The following MLXIPL variants were observed in gnomAD, a reference collection of about 807,000 sequenced individuals.
MLXIPL encodes the protein carbohydrate-responsive element-binding protein.
A neutral mutation model predicts 81.5 loss-of-function variants in MLXIPL; 49 were observed. The ratio of observed to expected loss-of-function variants is 0.60; its 90% CI spans 0.48 to 0.76. The LOEUF (loss-of-function observed/expected upper bound fraction) is 0.76. Among genes scored for constraint, MLXIPL ranks in the 30% least tolerant of loss-of-function variants. MLXIPL has a pLI of 0.00. For synonymous variants in MLXIPL, 466 were observed against 485.5 expected (o/e 0.96, Z 0.53); for missense variants, 1,053 against 1,167.0 (o/e 0.90, Z 1.42).
the MLXIPL span, among the ~76,000 whole-genome samples, chr7:73,637,059 C>CA: frequency 2.1e-3 from 251 of 119,554 alleles, 3 homozygotes; most frequent in South Asian, 0.022. Flanking sequence ...GATTCCATCT[C>CA]AAAAAAAAAA....
chr7:73,623,260 A>T lies in MLXIPL; in HGVS notation c.293+940T>A, dbSNP rs1272048275. On this transcript the variant is annotated intron_variant, in intron 1 of 16. Transcript: ENST00000313375. The surrounding 1 kb of genome is among the most constrained non-coding windows in gnomAD (Gnocchi z 5.7). ...CTCAGAAGGGGAGGAGGCGCCGCGG[A>T]GGAAGAGGAATATTTGCACAGAGAA... Among the ~76,000 whole-genome samples the T allele has an allele frequency of 6.6e-6, 1 of 152,204 alleles. No homozygotes were observed. The highest frequency in any genetic ancestry group is 1.5e-5 in the Non-Finnish European group (1 of 68,038).
intron 2 of MLXIPL, among the ~76,000 whole-genome samples, chr7:73,612,863 G>A (rs1397351693): frequency 6.6e-6 from 1 of 152,140 alleles, no homozygotes; most frequent in African/African-American, 2.4e-5. Context: ...CAGATACTGG[G>A]ACAGGACACA....
chr7:73,634,722 T>A, the MLXIPL span, among the ~76,000 whole-genome samples: 2 of 151,814 alleles, frequency 1.3e-5, no homozygotes, highest in South Asian at 4.2e-4. Context: ...TTTTTTAAAT[T>A]ATGAATTCAA....
chr7:73,647,802 C>A, the MLXIPL span, among the ~76,000 whole-genome samples: 2 of 151,444 alleles, frequency 1.3e-5, no homozygotes, highest in East Asian at 3.9e-4. Context: ...TGCAGAGGGG[C>A]GCGGCGCGGC....
the MLXIPL span, among the ~76,000 whole-genome samples, chr7:73,640,424 A>AAAAG: frequency 1.5e-5 from 2 of 137,846 alleles, no homozygotes; most frequent in Admixed American, 7.1e-5. Context: ...AAGAAAAAGA[A>AAAAG]AAAAAGAAAT....
Position 73,596,703 on chromosome 7 carries a change from TGTGGCCGGGCCTGGAG to T in MLXIPL, c.1742_1757del (p.Pro581HisfsTer41). The T allele has an allele frequency of 6.3e-7, 1 of 1,589,596 alleles. No homozygotes were observed. The highest frequency in any genetic ancestry group is 8.6e-7 in the Non-Finnish European group (1 of 1,168,378). On this transcript the variant is annotated frameshift_variant, in exon 11 of 17. Coordinates refer to ENST00000313375, the MANE Select transcript of MLXIPL (RefSeq NM_032951.3). LOFTEE classifies it high-confidence loss of function. The surrounding 1 kb of genome is among the most constrained non-coding windows in gnomAD (Gnocchi z 4.7). ...CAAGCAGGGGCCTGGAAGGGGCCAA[TGTGGCCGGGCCTGGAG>T]GTGGCCGGGGCGGTGTAGGGGCCGG...
rs1794380344 is a variant in MLXIPL at position 73,596,957 on chromosome 7, C to G, written c.1604-25G>C. On this transcript the variant is annotated intron_variant, in intron 9 of 16. Coordinates refer to ENST00000313375, the MANE Select transcript of MLXIPL (RefSeq NM_032951.3). The surrounding 1 kb of genome is among the most constrained non-coding windows in gnomAD (Gnocchi z 4.7). ...GCTGTGCACGGGCAGAACCGTGAGG[C>G]TACTGGGGCTGGCCCACCCCCGGCA... is the stretch of plus-strand genomic sequence containing the variant. 18 of 1,599,686 alleles carry G rather than the reference C, an allele frequency of 1.1e-5. No homozygotes were observed. The highest frequency in any genetic ancestry group is 1.4e-5 in the Non-Finnish European group (16 of 1,175,272).
Position 73,597,170 on chromosome 7 carries a change from G to T in MLXIPL, c.1603+12C>A, listed in dbSNP as rs782306170. The T allele has an allele frequency of 9.4e-6, 15 of 1,593,894 alleles. No homozygotes were observed. The highest frequency in any genetic ancestry group is 1.2e-5 in the Non-Finnish European group (14 of 1,171,950). On this transcript the variant is annotated intron_variant, in intron 9 of 16. Transcript: ENST00000313375. ...CTCCCCAGGCTTTCCTCTCCCCGTT[G>T]CTGGCCCTCACCTGCTGTGAGCAGC... is the stretch of plus-strand genomic sequence containing the variant.
At chr7:73,603,699 C>T (rs1290590809) in intron 7 of MLXIPL, among the ~76,000 whole-genome samples, 1 of 152,232 alleles carries the variant, frequency 6.6e-6, no homozygotes, top group Non-Finnish European at 1.5e-5. Flanking sequence ...ATCTACCTGG[C>T]CCGCACATAG....
At chr7:73,631,753 T>C in the MLXIPL span, among the ~76,000 whole-genome samples, 4 of 146,908 alleles carry the variant, frequency 2.7e-5, no homozygotes, top group African/African-American at 7.5e-5. Context: ...CTCTCTCCCC[T>C]TCTCCCTCTC....
upstream of MLXIPL, among the ~76,000 whole-genome samples, chr7:73,629,169 A>T (rs532781424): frequency 1.4e-4 from 21 of 151,786 alleles, no homozygotes; most frequent in South Asian, 4.2e-3. Context: ...CAGCCTCCTG[A>T]GGAGCTGGGA....
chr7:73,607,509 G>A, intron 3 of MLXIPL, 81 bp downstream of exon 3: 1 of 1,568,392 alleles, frequency 6.4e-7, no homozygotes, highest in Non-Finnish European at 8.7e-7. Flanking sequence ...TGTCTGCTCA[G>A]CGCAAGGCTA....
intron 2 of MLXIPL, among the ~76,000 whole-genome samples, chr7:73,614,809 CTTT>C (rs11307944): frequency 2.7e-4 from 29 of 106,148 alleles, no homozygotes; most frequent in African/African-American, 5.8e-4. Context: ...TTGTTTTGCC[CTTT>C]TTTTTTTTTT....
At chr7:73,642,356 A>G in the MLXIPL span, among the ~76,000 whole-genome samples, 74 of 151,590 alleles carry the variant, frequency 4.9e-4, no homozygotes, top group African/African-American at 1.7e-3. Context: ...TTATTTATTT[A>G]TTTATTTTTG....
At position 73,595,932 on chromosome 7, in the gene MLXIPL, T is replaced by G; in HGVS notation, c.2096A>C (p.Tyr699Ser). 1 of 1,613,300 alleles carries G rather than the reference T, an allele frequency of 6.2e-7. No individual in the cohort carries two copies. The highest frequency in any genetic ancestry group is 8.5e-7 in the Non-Finnish European group (1 of 1,179,990). Reference protein sequence around the residue: ...KATTLQKTAEYILMLQQERAG... With the variant: ...KATTLQKTAESILMLQQERAG... The stretch of plus-strand genomic sequence containing the variant: ...ACGCTCCTGCTGTAGCATAAGGATG[T>G]ACTCAGCTGTCTTCTGCAGCGTGGT... The change falls in exon 14 of 17, where the codon TAC becomes TCC. Residue 699 changes from tyrosine to serine, a missense_variant. Tyr to Ser is a moderately radical substitution (Grantham distance 144). Around this residue, in one of 3 missense-constraint regions of MLXIPL, gnomAD observed 823 missense variants for 933.0 expected, o/e 0.88. Transcript: ENST00000313375.
chr7:73,596,925 C>T lies in MLXIPL; in HGVS notation c.1611G>A (p.Pro537=), dbSNP rs782441342. Residue 537 remains proline, a synonymous_variant, in exon 10 of 17, where the codon CCG becomes CCA. Transcript: ENST00000313375. This position sits in a 1 kb window ranked among gnomAD's most constrained non-coding sequence, Gnocchi z 4.7. The part of the protein sequence containing the change: ...CLTQLLTAAK[P]EQALEPPLVS... ...CAAGTGGTGGCTCCAGGGCTTGCTCCGGCTTAGCTGTGCACGGGCAGAACC... is the reference window on the plus strand; with the variant it reads ...CAAGTGGTGGCTCCAGGGCTTGCTCTGGCTTAGCTGTGCACGGGCAGAACC... The T allele has an allele frequency of 1.5e-5, 24 of 1,609,344 alleles. No homozygotes were observed. Among genetic ancestry groups the T allele is most frequent in the African/African-American group, 2.7e-5 (2 of 74,816 alleles).
chr7:73,602,957 C>T (rs1018472847), intron 7 of MLXIPL, among the ~76,000 whole-genome samples: 9 of 152,232 alleles, frequency 5.9e-5, no homozygotes, highest in Admixed American at 2.0e-4. Flanking sequence ...TGTCCCCACC[C>T]TGCCTTGAGA....
the MLXIPL span, among the ~76,000 whole-genome samples, chr7:73,636,266 C>A: frequency 6.6e-6 from 1 of 151,816 alleles, no homozygotes; most frequent in Non-Finnish European, 1.5e-5. Context: ...AAAAATTAGC[C>A]GGATCCGGTG....
chr7:73,634,499 C>T, the MLXIPL span, among the ~76,000 whole-genome samples: 5 of 152,024 alleles, frequency 3.3e-5, no homozygotes, highest in African/African-American at 1.2e-4. Context: ...TCAAGCAATT[C>T]TCCTGTCTCA....
Sources: allele counts gnomAD v4.1 joint callset (sites outside exome capture counted in the v4.1 genomes callset), GRCh38; gene constraint gnomAD v4.1.1; regional missense constraint gnomAD v4.1.1; non-coding constraint Gnocchi (gnomAD v3.1); transcripts MANE v1.5; gene names NCBI Gene and HGNC (gene_info 2026-07-23, HGNC 2026-07-21).